Variants in EML6 observed in about 807,000 individuals in gnomAD.
EML6 encodes echinoderm microtubule-associated protein-like 6.
EML6 carries 154 observed loss-of-function variants against 240.1 expected under a neutral mutation model. The observed-to-expected ratio is 0.64, with a 90% CI of 0.56 to 0.73. The LOEUF (loss-of-function observed/expected upper bound fraction) is 0.73. EML6 is among the 30% of genes least tolerant of loss of function. EML6 has a pLI of 0.00. For missense variants in EML6, 2,964 were observed against 2,474.6 expected, an observed-to-expected ratio of 1.20 and a Z score of -4.20; for synonymous variants, 1,148 against 899.0, an observed-to-expected ratio of 1.28 and a Z score of -4.95.
At chr2:54,761,398 C>A (rs549187941) in intron 2 of EML6, among the ~76,000 whole-genome samples, 1 of 152,072 alleles carries the variant, frequency 6.6e-6, no homozygotes, top group East Asian at 1.9e-4. Flanking sequence ...AAGCTTAGTC[C>A]TTCAGTGTTT....
At chr2:54,856,443 C>G (rs190769834) in intron 11 of EML6, among the ~76,000 whole-genome samples, 8 of 152,218 alleles carry the variant, frequency 5.3e-5, no homozygotes, top group Admixed American at 1.3e-4. Context: ...GTATCCATGT[C>G]CTGATAGCAA....
rs563723298 is a variant in EML6, at chr2:54,752,575, A to C, written c.197+27317A>C. 2.6e-5 allele frequency among the ~76,000 whole-genome samples: 4 copies of C among 152,198 alleles called. No individual in the cohort carries two copies. In the South Asian group the frequency reaches 8.3e-4, roughly 31 times the overall value. On this transcript the variant is annotated intron_variant, in intron 2 of 41. Transcript: ENST00000356458. ...TATGTTCTCTTTTGTGTGGGGCTGA[A>C]TTATTCAACATTTGTCAATGAAATT...
At position 54,863,213 on chromosome 2, in the gene EML6, G is replaced by A. The variant is rs184723074; in HGVS notation, c.1826-570G>A. Among the ~76,000 whole-genome samples, 35 of 152,324 alleles carry A rather than the reference G, an allele frequency of 2.3e-4. No homozygotes were observed. The East Asian group carries it at 6.5e-3, about 29-fold the overall frequency. Reference sequence around the variant, plus strand: ...AAAGAGGATCTGTATTGAAGTAAATGGTTGGGTTTATTTTTGCCCTAGCCT... The same window carrying A: ...AAAGAGGATCTGTATTGAAGTAAATAGTTGGGTTTATTTTTGCCCTAGCCT... On this transcript the variant is annotated intron_variant, in intron 12 of 41. Transcript: ENST00000356458.
chr2:54,811,437 A>G (rs1002657263), intron 2 of EML6, among the ~76,000 whole-genome samples: 3 of 152,092 alleles, frequency 2.0e-5, no homozygotes, highest in African/African-American at 7.2e-5. Context: ...GTCTTCCCTA[A>G]TGTCCTGGGC....
intron 15 of EML6, among the ~76,000 whole-genome samples, 189 bp from the exon 16 acceptor site, chr2:54,871,311 C>A (rs1296097953): frequency 6.6e-6 from 1 of 152,180 alleles, no homozygotes; most frequent in Non-Finnish European, 1.5e-5. Context: ...CCAGGACAAG[C>A]CTCTTAGAGA....
At chr2:54,824,842 A>G (rs1406312222) in intron 5 of EML6, among the ~76,000 whole-genome samples, 1 of 152,154 alleles carries the variant, frequency 6.6e-6, no homozygotes, top group Non-Finnish European at 1.5e-5. Flanking sequence ...CTGTGGGTAG[A>G]GACTGCAGAA....
intron 26 of EML6, among the ~76,000 whole-genome samples, chr2:54,925,305 C>T (rs1674483624): frequency 6.6e-6 from 1 of 152,186 alleles, no homozygotes; most frequent in Non-Finnish European, 1.5e-5. Flanking sequence ...TGCCCAGCCT[C>T]TAAAACTGTG....
intron 28 of EML6, among the ~76,000 whole-genome samples, chr2:54,933,627 G>A (rs766444520): frequency 3.3e-5 from 5 of 152,000 alleles, no homozygotes; most frequent in Non-Finnish European, 5.9e-5. Context: ...TCAGCTACTC[G>A]GGAGGCTGAG....
chr2:54,871,339 C>G (rs1671245761), intron 15 of EML6, among the ~76,000 whole-genome samples, 161 bp from the exon 16 acceptor site: 1 of 152,214 alleles, frequency 6.6e-6, no homozygotes, highest in South Asian at 2.1e-4. Context: ...CCTCAGTTTC[C>G]TCATCTCAAA....
At chr2:54,851,235 C>T (rs1670067981) in intron 10 of EML6, among the ~76,000 whole-genome samples, 2 of 152,002 alleles carry the variant, frequency 1.3e-5, no homozygotes, top group African/African-American at 4.8e-5. Flanking sequence ...ATGGTGAAGT[C>T]CCATCTCTGC....
At chr2:54,886,370 T>G (rs1672141365) in intron 17 of EML6, among the ~76,000 whole-genome samples, 1 of 152,118 alleles carries the variant, frequency 6.6e-6, no homozygotes, top group Admixed American at 6.5e-5. Context: ...TTTCACAATG[T>G]TGGCCAGGCT....
At chr2:54,935,743 G>T (rs1432416662) in intron 28 of EML6, among the ~76,000 whole-genome samples, 1 of 152,218 alleles carries the variant, frequency 6.6e-6, no homozygotes, top group Non-Finnish European at 1.5e-5. Context: ...AGGCGTAGTA[G>T]CTCACACCTG....
intron 2 of EML6, among the ~76,000 whole-genome samples, chr2:54,788,477 GA>G (rs10715272): frequency 0.051 from 7,810 of 152,226 alleles, 638 homozygotes; most frequent in African/African-American, 0.17. Context: ...GTCCAGCTGG[GA>G]AAAGAGGTAT....
chr2:54,900,658 C>G (rs1021038396), intron 22 of EML6, among the ~76,000 whole-genome samples: 1 of 152,184 alleles, frequency 6.6e-6, no homozygotes, highest in African/African-American at 2.4e-5. Context: ...AATGGCCCGG[C>G]CTCCCTATTC....
chr2:54,882,558 T>C lies in EML6; in HGVS notation c.2438+2918T>C, dbSNP rs1480408144. 4 of 152,036 alleles carry C rather than the reference T, an allele frequency of 2.6e-5. No individual in the cohort carries two copies. The East Asian group carries it at 7.7e-4, about 29-fold the overall frequency. The allele number at this position is 152,036 out of a possible 1,614,324, so 9.4% of individuals were successfully genotyped here. On this transcript the variant is annotated intron_variant, in intron 17 of 41. Transcript: ENST00000356458. ...CAGGCTAATCTGAAAGTTTTGCTGCTAGAAAGCTTAGGGACAAAGGCCGGG... is the reference window on the plus strand; with the variant it reads ...CAGGCTAATCTGAAAGTTTTGCTGCCAGAAAGCTTAGGGACAAAGGCCGGG...
intron 9 of EML6, among the ~76,000 whole-genome samples, chr2:54,849,024 C>A (rs1332340436): frequency 2.0e-5 from 3 of 152,160 alleles, no homozygotes; most frequent in Non-Finnish European, 4.4e-5. Flanking sequence ...GTCTCCCTTT[C>A]TCCATGGCGT....
chr2:54,818,863 A>G (rs1452887375), intron 4 of EML6, among the ~76,000 whole-genome samples: 1 of 152,226 alleles, frequency 6.6e-6, no homozygotes, highest in Non-Finnish European at 1.5e-5. Context: ...TACTGATACC[A>G]GTATGAATTA....
chr2:54,796,450 T>A (rs1302171608), intron 2 of EML6, among the ~76,000 whole-genome samples: 3 of 152,174 alleles, frequency 2.0e-5, no homozygotes, highest in Non-Finnish European at 2.9e-5. Context: ...GCATTTTTTT[T>A]GAAGTGTATT....
chr2:54,730,753 ATTT>A (rs1320633355), intron 2 of EML6, among the ~76,000 whole-genome samples: 1 of 152,176 alleles, frequency 6.6e-6, no homozygotes, highest in Non-Finnish European at 1.5e-5. Flanking sequence ...TAGTCTTGTG[ATTT>A]TTATTAAGAT....
Sources: gnomAD v4.1 joint callset for allele counts (sites outside exome capture counted in the v4.1 genomes callset) on GRCh38, gnomAD v4.1.1 for gene constraint, MANE v1.5 for transcripts, NCBI Gene and HGNC (gene_info 2026-07-23, HGNC 2026-07-21) for gene names.